MTMR10: variants seen among roughly 807,000 people sequenced by gnomAD.
MTMR10 encodes the protein myotubularin-related protein 10.
A neutral mutation model predicts 88.1 loss-of-function variants in MTMR10; 56 were observed. That is an observed-to-expected ratio of 0.64 (90% CI 0.51 to 0.79). MTMR10 has a LOEUF of 0.79. Ranked by LOEUF, MTMR10 falls within the 30% of genes least tolerant of loss-of-function variation. The pLI, the probability that MTMR10 is intolerant of heterozygous loss-of-function variation, is 0.00. For synonymous variants in MTMR10, 380 were observed against 340.9 expected, an observed-to-expected ratio of 1.11 and a Z score of -1.26; for missense variants, 883 against 924.7, an observed-to-expected ratio of 0.95 and a Z score of 0.58.
chr15:30,984,552 G>A (rs1413370805), intron 2 of MTMR10, among the ~76,000 whole-genome samples: 1 of 152,140 alleles, frequency 6.6e-6, no homozygotes, highest in Non-Finnish European at 1.5e-5. Flanking sequence ...CCCAACTGAG[G>A]AAATAAGACG....
intron 2 of MTMR10, among the ~76,000 whole-genome samples, chr15:30,981,941 C>T (rs192312916): frequency 2.7e-3 from 407 of 151,860 alleles, no homozygotes; most frequent in Non-Finnish European, 4.6e-3. Context: ...CCTGGTGGTG[C>T]GCACCTGTAC....
At chr15:30,951,208 T>C (rs2063240929) in intron 12 of MTMR10, among the ~76,000 whole-genome samples, 1 of 152,262 alleles carries the variant, frequency 6.6e-6, no homozygotes, top group Non-Finnish European at 1.5e-5. Flanking sequence ...TCACCGTTTA[T>C]TCCTACCAAA....
intron 5 of MTMR10, among the ~76,000 whole-genome samples, chr15:30,971,561 TTC>T (rs1427531708): frequency 6.6e-6 from 1 of 152,194 alleles, no homozygotes; most frequent in East Asian, 1.9e-4. Context: ...TGGAATTCAC[TTC>T]TATAAAGTAT....
chr15:30,967,625 A>G (rs2063488061), intron 6 of MTMR10, among the ~76,000 whole-genome samples: 1 of 152,188 alleles, frequency 6.6e-6, no homozygotes, highest in African/African-American at 2.4e-5. Flanking sequence ...CTATCAATTA[A>G]AAAGGGTGGG....
At chr15:30,926,865 C>T in the MTMR10 span, 74 of 985,202 alleles carry the variant, frequency 7.5e-5, no homozygotes, top group Admixed American at 9.2e-4. Flanking sequence ...AAATCGATGC[C>T]GTGAAACTGG....
In MTMR10 at chr15:30,953,850, G is replaced by A. The variant is rs775166666; in HGVS notation, c.1067-219C>T. On this transcript the variant is annotated intron_variant, in intron 10 of 15. Transcript: ENST00000435680. ...CTGGGGCTCCATCATCTTCTCTCTCGCTCTTTCAGGGAAATCTTGGAGTCC... is the reference window on the plus strand; with the variant it reads ...CTGGGGCTCCATCATCTTCTCTCTCACTCTTTCAGGGAAATCTTGGAGTCC... Among the ~76,000 whole-genome samples the A allele has an allele frequency of 4.6e-5, 7 of 152,152 alleles. No homozygotes were observed. The South Asian group carries it at 1.0e-3, about 23-fold the overall frequency.
downstream of MTMR10, among the ~76,000 whole-genome samples, chr15:30,936,019 A>AT (rs541729523): frequency 3.3e-5 from 5 of 150,498 alleles, no homozygotes; most frequent in Non-Finnish European, 5.9e-5. Context: ...TTCTTTAAGT[A>AT]TTTTTTTTTC....
rs1251512038 is a variant in MTMR10, at chr15:30,940,975, C to T, written c.*495G>A. 2.7e-6 allele frequency: 3 copies of T among 1,115,872 alleles called. No homozygotes were observed. The highest frequency in any genetic ancestry group is 3.3e-5 in the African/African-American group (2 of 59,818). The allele number at this position is 1,115,872 out of a possible 1,614,324, so 69.1% of individuals were successfully genotyped here. A position where few individuals can be genotyped will look rare whatever the true frequency, so the allele number is the denominator to read the frequency against. Reference sequence around the variant, plus strand: ...GGTGATCTAAAATCATAAATTCTGGCCCCAGAACACTGAACCTTCATCAGG... The same window carrying T: ...GGTGATCTAAAATCATAAATTCTGGTCCCAGAACACTGAACCTTCATCAGG... On this transcript the variant is annotated 3_prime_UTR_variant, in exon 16 of 16. Coordinates refer to ENST00000435680, the MANE Select transcript of MTMR10 (RefSeq NM_017762.3).
At chr15:30,927,753 A>T in the MTMR10 span, 1 of 985,540 alleles carries the variant, frequency 1.0e-6, no homozygotes, top group Non-Finnish European at 1.2e-6. Flanking sequence ...GGGAGGGCTG[A>T]TGTGCAGAGA....
chr15:30,943,210 C>T, intron 14 of MTMR10, 138 bp from the exon 15 acceptor site: 1 of 1,407,660 alleles, frequency 7.1e-7, no homozygotes, highest in Non-Finnish European at 9.2e-7. Context: ...GGCACTTTCA[C>T]TTCAAGAGAG....
At chr15:30,922,083 C>T in the MTMR10 span, 1 of 959,506 alleles carries the variant, frequency 1.0e-6, no homozygotes, top group Non-Finnish European at 1.5e-6. Flanking sequence ...ACCTCAAAGT[C>T]CCTGTCCTGT....
intron 14 of MTMR10, among the ~76,000 whole-genome samples, chr15:30,944,789 T>C (rs552830496): frequency 1.3e-5 from 2 of 151,940 alleles, no homozygotes; most frequent in Middle Eastern, 3.4e-3. Context: ...GGTGGGCGGA[T>C]TGCTTGAGTC....
the MTMR10 span, among the ~76,000 whole-genome samples, chr15:30,926,297 T>C: frequency 1.6e-4 from 24 of 152,346 alleles, no homozygotes; most frequent in South Asian, 3.3e-3. Context: ...CCCTGGGATT[T>C]TAGAAGCTGG....
chr15:30,991,296 C>A lies in MTMR10; in HGVS notation c.60+151G>T, dbSNP rs982380358. ...GCCAGTGGGGGCTCCCGAGAAGGCG[C>A]ATTTCGCGGCGCCGGGAATCAGGCA... On this transcript the variant is annotated intron_variant, in intron 1 of 15. Transcript: ENST00000435680. 1.9e-5 allele frequency: 14 copies of A among 740,844 alleles called. No individual in the cohort carries two copies. In the African/African-American group the frequency reaches 2.4e-4, roughly 13 times the overall value. The allele number at this position is 740,844 out of a possible 1,614,324, so 45.9% of individuals were successfully genotyped here.
chr15:30,962,514 T>A (rs2063415731), intron 6 of MTMR10, among the ~76,000 whole-genome samples: 1 of 152,224 alleles, frequency 6.6e-6, no homozygotes, highest in Non-Finnish European at 1.5e-5. Context: ...AAATCAAACC[T>A]AAATGGCTTC....
intron 6 of MTMR10, among the ~76,000 whole-genome samples, chr15:30,963,212 G>T (rs1206432394): frequency 6.6e-6 from 1 of 152,080 alleles, no homozygotes; most frequent in Non-Finnish European, 1.5e-5. Context: ...GGCTCTAGTG[G>T]CTGCCCTACT....
chr15:30,941,544 C>T lies in MTMR10; in HGVS notation c.2260G>A (p.Gly754Arg). ...VGNLCRRSILGTPLSKFLSGA... is the reference protein window; with the variant it reads ...VGNLCRRSILRTPLSKFLSGA... ...CTTAAAAATTTGCTTAATGGTGTTC[C>T]TAAAATGCTTCGTCTGCACAGATTC... Residue 754 changes from glycine to arginine, a missense_variant, in exon 16 of 16, where the codon GGA (glycine) becomes AGA (arginine). By Grantham distance (125) the Gly-to-Arg change is moderately radical. Coordinates refer to ENST00000435680, the MANE Select transcript of MTMR10 (RefSeq NM_017762.3). 6.2e-7 allele frequency: 1 copy of T among 1,607,576 alleles called. No individual in the cohort carries two copies.
chr15:30,959,024 A>T lies in MTMR10; in HGVS notation c.846+10T>A. The T allele has an allele frequency of 6.2e-7, 1 of 1,613,724 alleles. No homozygotes were observed. The highest frequency in any genetic ancestry group is 1.1e-5 in the South Asian group (1 of 91,070). On this transcript the variant is annotated intron_variant, in intron 8 of 15. Coordinates refer to ENST00000435680, the MANE Select transcript of MTMR10 (RefSeq NM_017762.3). ...GTCAGCATTCATAAAATCCAACAGA[A>T]ATCACTTACTGGCATCCTTCTCCCA...
chr15:30,972,984 T>G (rs1488493877), intron 5 of MTMR10, among the ~76,000 whole-genome samples: 2 of 152,194 alleles, frequency 1.3e-5, no homozygotes, highest in Non-Finnish European at 2.9e-5. Context: ...TCCCTAATCT[T>G]GAGATGCTAC....
Sources: allele counts gnomAD v4.1 joint callset (sites outside exome capture counted in the v4.1 genomes callset), GRCh38; gene constraint gnomAD v4.1.1; transcripts MANE v1.5; gene names NCBI Gene and HGNC (gene_info 2026-07-23, HGNC 2026-07-21).